The following AKAP10 variants were observed in gnomAD, a reference collection of about 807,000 sequenced individuals.
The protein encoded by AKAP10 is A-kinase anchoring protein 10.
In AKAP10, 24 loss-of-function variants were observed where a neutral mutation model predicts 80.8. The ratio of observed to expected loss-of-function variants is 0.30; its 90% confidence interval spans 0.22 to 0.42. The LOEUF is 0.42. Ranked by LOEUF, AKAP10 falls within the 10% of genes least tolerant of loss-of-function variation. The pLI is 1.00. For missense variants in AKAP10, 661 were observed against 794.9 expected (o/e 0.83, Z 2.03); for synonymous variants, 291 against 277.7 (o/e 1.05, Z -0.48).
At chr17:19,972,065 C>T (rs1445621097) in intron 1 of AKAP10, among the ~76,000 whole-genome samples, 1 of 152,194 alleles carries the variant, frequency 6.6e-6, no homozygotes, top group Non-Finnish European at 1.5e-5. Context: ...GAGATCATGC[C>T]ACTGCATTCT....
rs4141185 is a variant in AKAP10, at chr17:19,909,364, C to T, written c.1888-88G>A. ...CTCAGTGCTCTTAACAAATGGCTTA[C>T]GCACATAATTTCTACTTATTTGGAT... On this transcript the variant is annotated intron_variant, in intron 13 of 14. Coordinates refer to ENST00000225737, the MANE Select transcript of AKAP10 (RefSeq NM_007202.4). 8.2e-3 allele frequency: 9,407 copies of T among 1,151,684 alleles called. 353 individuals carry two copies. In the East Asian group the frequency reaches 0.086, roughly 11 times the overall value. 71.3% of individuals were successfully genotyped at this position (1,151,684 alleles called of 1,614,324 possible). A position where few individuals can be genotyped will look rare whatever the true frequency, so the allele number is the denominator to read the frequency against.
Position 19,946,237 on chromosome 17 carries a change from T to TATTTTATA in AKAP10, c.976+1169_976+1170insTATAAAAT, listed in dbSNP as rs1491288818. Among the ~76,000 whole-genome samples, 12 of 15,176 alleles carry TATTTTATA rather than the reference T, an allele frequency of 7.9e-4. 1 individual carries two copies. The East Asian group carries it at 8.6e-3, about 11-fold the overall frequency. The allele number at this position is 15,176 out of a possible 152,430, so 10.0% of individuals were successfully genotyped here. A position where few individuals can be genotyped will look rare whatever the true frequency, so the allele number is the denominator to read the frequency against. On this transcript the variant is annotated intron_variant, in intron 5 of 14. Transcript: ENST00000225737. ...TATATATATTTTATATATATATATA[T>TATTTTATA]TATATATATATATATATATATATAT...
At chr17:19,954,161 C>T (rs2043246056) in intron 4 of AKAP10, among the ~76,000 whole-genome samples, 1 of 152,150 alleles carries the variant, frequency 6.6e-6, no homozygotes, top group Non-Finnish European at 1.5e-5. Context: ...AAAATAAAAA[C>T]TTCCCAATTC....
intron 1 of AKAP10, among the ~76,000 whole-genome samples, chr17:19,973,911 T>C (rs1187370164): frequency 6.6e-6 from 1 of 152,114 alleles, no homozygotes; most frequent in Non-Finnish European, 1.5e-5. Context: ...CAACTAAAAA[T>C]CCAAAAATGC....
At chr17:19,920,887 C>CAAAAAAAAAAAAAAAAAAAA (rs2042805303) in intron 11 of AKAP10, among the ~76,000 whole-genome samples, 7 of 66,882 alleles carry the variant, frequency 1.0e-4, no homozygotes, top group African/African-American at 3.1e-4. Context: ...AAAAAAAAAG[C>CAAAAAAAAAAAAAAAAAAAA]AAAAAATACA....
intron 11 of AKAP10, 85 bp from the exon 12 acceptor site, chr17:19,920,203 T>A: frequency 1.9e-6 from 2 of 1,032,150 alleles, no homozygotes; most frequent in Non-Finnish European, 2.9e-6. Flanking sequence ...GCGTTTCATC[T>A]AAATCTAGAA....
chr17:19,913,159 T>TG (rs2042709361), intron 12 of AKAP10, among the ~76,000 whole-genome samples: 1 of 149,770 alleles, frequency 6.7e-6, no homozygotes, highest in Non-Finnish European at 1.5e-5. Context: ...AATTGTTTTT[T>TG]TTTTTTTTTT....
chr17:19,972,734 C>T (rs998717776), intron 1 of AKAP10, among the ~76,000 whole-genome samples: 5 of 152,124 alleles, frequency 3.3e-5, no homozygotes, highest in South Asian at 2.1e-4. Context: ...GTATTACAGG[C>T]GTGAGCCACC....
At chr17:19,946,930 G>A (rs984894469) in intron 5 of AKAP10, among the ~76,000 whole-genome samples, 1 of 152,218 alleles carries the variant, frequency 6.6e-6, no homozygotes, top group African/African-American at 2.4e-5. Flanking sequence ...GAGACGGAGA[G>A]GCCACCACTG....
Position 19,906,183 on chromosome 17 carries a change from C to A in AKAP10, c.*44G>T, listed in dbSNP as rs765536820. 7 of 1,589,942 alleles carry A rather than the reference C, an allele frequency of 4.4e-6. No homozygotes were observed. In the East Asian group the frequency reaches 6.7e-5, roughly 15 times the overall value. ...AGAATCCAACCAAGGGAAAAAAGTTCTCTTATTTTTCACAAGCAGATTTCC... is the reference window on the plus strand; with the variant it reads ...AGAATCCAACCAAGGGAAAAAAGTTATCTTATTTTTCACAAGCAGATTTCC... On this transcript the variant is annotated 3_prime_UTR_variant, in exon 15 of 15. Transcript: ENST00000225737.
At chr17:19,914,488 A>C (rs1479530639) in intron 12 of AKAP10, among the ~76,000 whole-genome samples, 1 of 151,900 alleles carries the variant, frequency 6.6e-6, no homozygotes, top group East Asian at 1.9e-4. Flanking sequence ...CAAAAAGTAA[A>C]ATAATAAGCC....
intron 2 of AKAP10, among the ~76,000 whole-genome samples, chr17:19,966,524 A>G (rs186287133): frequency 2.0e-5 from 3 of 152,350 alleles, no homozygotes; most frequent in Admixed American, 6.5e-5. Context: ...TGTTCTGTGT[A>G]TAAGTTTGTC....
intron 14 of AKAP10, among the ~76,000 whole-genome samples, chr17:19,908,429 T>G (rs1177506824): frequency 6.6e-6 from 1 of 152,124 alleles, no homozygotes; most frequent in Non-Finnish European, 1.5e-5. Flanking sequence ...CATGAACTTT[T>G]CTTAGCCCTA....
At chr17:19,947,547 T>G in intron 4 of AKAP10, 42 bp from the exon 5 acceptor site, 1 of 1,287,738 alleles carries the variant, frequency 7.8e-7, no homozygotes. Context: ...AAAAGCAACT[T>G]GGACTCCAGT....
At chr17:19,941,551 C>G (rs574622058) in intron 6 of AKAP10, among the ~76,000 whole-genome samples, 177 of 152,256 alleles carry the variant, frequency 1.2e-3, no homozygotes, top group Middle Eastern at 6.8e-3. Context: ...TCACTACAGA[C>G]TCAATCACTC....
chr17:19,949,541 G>GC (rs2152416207), intron 4 of AKAP10, among the ~76,000 whole-genome samples: 1 of 152,100 alleles, frequency 6.6e-6, no homozygotes, highest in East Asian at 1.9e-4. Flanking sequence ...GGAGGCTGAG[G>GC]AGAGCGAATC....
rs776262746 is a variant in AKAP10 at position 19,940,855 on chromosome 17, G to T, written c.1185+32C>A. ...TTGATAGTTAGAGGCTGGAATGCTCGAATAGAGTGTGAAAAGAAATGCAGA... is the reference window on the plus strand; with the variant it reads ...TTGATAGTTAGAGGCTGGAATGCTCTAATAGAGTGTGAAAAGAAATGCAGA... On this transcript the variant is annotated intron_variant, in intron 7 of 14. Coordinates refer to ENST00000225737, the MANE Select transcript of AKAP10 (RefSeq NM_007202.4). 3.2e-6 allele frequency: 5 copies of T among 1,569,544 alleles called. No homozygotes were observed. The African/African-American group carries it at 4.1e-5, about 13-fold the overall frequency.
At chr17:19,916,850 T>C (rs1241880290) in intron 12 of AKAP10, among the ~76,000 whole-genome samples, 1 of 151,712 alleles carries the variant, frequency 6.6e-6, no homozygotes, top group Non-Finnish European at 1.5e-5. Context: ...GGCAGGAGAA[T>C]GGCTTGAACC....
intron 2 of AKAP10, among the ~76,000 whole-genome samples, chr17:19,964,286 ATCTC>A (rs2043389079): frequency 6.6e-6 from 1 of 152,132 alleles, no homozygotes; most frequent in Non-Finnish European, 1.5e-5. Flanking sequence ...CCCTCTTAAC[ATCTC>A]TCTTAGAACT....
Sources: allele counts gnomAD v4.1 joint callset (sites outside exome capture counted in the v4.1 genomes callset), GRCh38; gene constraint gnomAD v4.1.1; transcripts MANE v1.5; gene names NCBI Gene and HGNC (gene_info 2026-07-23, HGNC 2026-07-21).